Variants in CCDC171 observed in about 807,000 individuals in gnomAD.
CCDC171 encodes the protein coiled-coil domain-containing protein 171.
In CCDC171, 177 loss-of-function variants were observed where a neutral mutation model predicts 168.2. The ratio of observed to expected loss-of-function variants is 1.05; its 90% confidence interval spans 0.93 to 1.19. CCDC171 has a LOEUF of 1.19. Among genes scored for constraint, CCDC171 ranks in the 50% most tolerant of loss-of-function variants. CCDC171 has a pLI of 0.00. For missense variants in CCDC171, 1,991 were observed against 1,539.0 expected, an observed-to-expected ratio of 1.29 and a Z score of -4.91; for synonymous variants, 687 against 540.8, an observed-to-expected ratio of 1.27 and a Z score of -3.75.
rs138525451 is a variant in CCDC171 at position 15,684,948 on chromosome 9, A to T, written c.1215+6052A>T. The stretch of plus-strand genomic sequence containing the variant: ...AGTCCGTGGGTCATGTTGGGTGATG[A>T]GTAAATGTTCACCTAAACATCATCT... On this transcript the variant is annotated intron_variant, in intron 10 of 25. Coordinates refer to ENST00000380701, the MANE Select transcript of CCDC171 (RefSeq NM_173550.4). Among the ~76,000 whole-genome samples, 3 of 152,302 alleles carry T rather than the reference A, an allele frequency of 2.0e-5. No individual in the cohort carries two copies. The East Asian group carries it at 5.8e-4, about 29-fold the overall frequency.
At chr9:15,875,832 A>G (rs1817764867) in intron 24 of CCDC171, 1 of 152,076 alleles carries the variant, frequency 6.6e-6, no homozygotes, top group African/African-American at 2.4e-5. Flanking sequence ...ATATATAATT[A>G]TAAAAGTAAG....
At position 15,965,992 on chromosome 9, in the gene CCDC171, G is replaced by A. The variant is rs137979346; in HGVS notation, c.3754-5617G>A. ...AGACCATGGAGTAATAATATAAGTC[G>A]TTTGTTCATTCACTCATTCATCATT... On this transcript the variant is annotated intron_variant, in intron 25 of 25. Coordinates refer to ENST00000380701, the MANE Select transcript of CCDC171 (RefSeq NM_173550.4). 7.9e-4 allele frequency among the ~76,000 whole-genome samples: 120 copies of A among 152,190 alleles called. 1 individual carries two copies. The highest frequency in any genetic ancestry group is 2.6e-3 in the African/African-American group (110 of 41,530).
rs1302172353 is a variant in CCDC171, at chr9:15,762,171, T to TTTG, written c.2672-15428_2672-15427insTGT. Among the ~76,000 whole-genome samples, 751 of 151,534 alleles carry TTTG rather than the reference T, an allele frequency of 5.0e-3. 5 individuals carry two copies. The highest frequency in any genetic ancestry group is 0.018 in the African/African-American group (726 of 41,286). On this transcript the variant is annotated intron_variant, in intron 18 of 25. Transcript: ENST00000380701. ...AGCCTGAAGCTTTTTTTTTTTTTTT[T>TTTG]TAAGAAAGCTAAGTTGGATATCCAG...
downstream of CCDC171, among the ~76,000 whole-genome samples, chr9:15,977,249 T>TA (rs1426704206): frequency 6.6e-6 from 1 of 152,216 alleles, no homozygotes; most frequent in Non-Finnish European, 1.5e-5. Flanking sequence ...TAATCTTTTT[T>TA]AGTTATTGTT....
At position 15,724,990 on chromosome 9, in the gene CCDC171, C is replaced by T. The variant is rs1241833091; in HGVS notation, c.1692+14C>T. On this transcript the variant is annotated intron_variant, in intron 14 of 25. Transcript: ENST00000380701. Reference sequence around the variant, plus strand: ...AAGGATGCAGAGGTATTACCTGAGACTCAATGACTGTCAGGAAGGGCCTTT... The same window carrying T: ...AAGGATGCAGAGGTATTACCTGAGATTCAATGACTGTCAGGAAGGGCCTTT... 1 of 1,595,394 alleles carries T rather than the reference C, an allele frequency of 6.3e-7. No homozygotes were observed. The highest frequency in any genetic ancestry group is 1.3e-5 in the African/African-American group (1 of 74,634).
chr9:16,001,560 G>A (rs1464678256), intron 3 of CCDC171, among the ~76,000 whole-genome samples: 1 of 152,090 alleles, frequency 6.6e-6, no homozygotes, highest in Non-Finnish European at 1.5e-5. Context: ...TTCCAGTCAT[G>A]CACTGCATAA....
intron 3 of CCDC171, among the ~76,000 whole-genome samples, chr9:16,000,330 C>A (rs891760899): frequency 6.6e-6 from 1 of 152,000 alleles, no homozygotes; most frequent in Non-Finnish European, 1.5e-5. Context: ...ACTTTTTTTG[C>A]TTGCTGTTTT....
chr9:15,888,882 A>G (rs1314974916), intron 24 of CCDC171: 1 of 148,350 alleles, frequency 6.7e-6, no homozygotes, highest in Admixed American at 6.8e-5. Flanking sequence ...AAAGGGTGCT[A>G]TTCCAGATCT....
chr9:15,649,974 C>A (rs2047376340), intron 7 of CCDC171, among the ~76,000 whole-genome samples: 1 of 152,048 alleles, frequency 6.6e-6, no homozygotes, highest in South Asian at 2.1e-4. Context: ...GCACTATTCA[C>A]AATAGCAAAG....
intron 14 of CCDC171, among the ~76,000 whole-genome samples, chr9:15,727,521 A>C (rs1183672940): frequency 6.6e-6 from 1 of 152,224 alleles, no homozygotes; most frequent in Non-Finnish European, 1.5e-5. Context: ...TAGGCTTATA[A>C]ACAATGAGTC....
At chr9:15,719,416 A>G (rs1221771017) in intron 11 of CCDC171, among the ~76,000 whole-genome samples, 7 of 7,462 alleles carry the variant, frequency 9.4e-4, no homozygotes, top group Admixed American at 1.7e-3. Flanking sequence ...GGGCGGGGGA[A>G]AGAGAGAGAG....
chr9:15,720,162 T>C (rs1012678530), intron 11 of CCDC171, among the ~76,000 whole-genome samples: 5 of 152,170 alleles, frequency 3.3e-5, no homozygotes, highest in African/African-American at 9.6e-5. Flanking sequence ...GTCATAAATA[T>C]ATTAATAACA....
At chr9:15,638,479 TAAAG>T (rs1194541728) in intron 7 of CCDC171, among the ~76,000 whole-genome samples, 2 of 151,996 alleles carry the variant, frequency 1.3e-5, no homozygotes, top group Non-Finnish European at 2.9e-5. Context: ...GGGATAATAA[TAAAG>T]AAGAAGTTGT....
chr9:15,584,156 C>T (rs10962087), intron 4 of CCDC171, among the ~76,000 whole-genome samples: 3 of 152,306 alleles, frequency 2.0e-5, no homozygotes, highest in East Asian at 1.9e-4. Context: ...CGTGAGCCAC[C>T]GTGCCCGGCA....
At chr9:16,087,594 T>C in the CCDC171 span, among the ~76,000 whole-genome samples, 1 of 142,542 alleles carries the variant, frequency 7.0e-6, no homozygotes, top group Non-Finnish European at 1.5e-5. Flanking sequence ...TCCATTTGCT[T>C]GGTAAATCTT....
At chr9:15,865,813 C>G in intron 23 of CCDC171, among the ~76,000 whole-genome samples, 1 of 149,902 alleles carries the variant, frequency 6.7e-6, no homozygotes. Context: ...GTTGGCATCC[C>G]TAACCCACAT....
chr9:15,588,015 T>A (rs980897845), intron 4 of CCDC171, among the ~76,000 whole-genome samples: 2 of 152,052 alleles, frequency 1.3e-5, no homozygotes, highest in Non-Finnish European at 2.9e-5. Context: ...GGCAGGTGGA[T>A]CATGAGGTCA....
chr9:15,759,377 C>T (rs1211784879), intron 18 of CCDC171, among the ~76,000 whole-genome samples: 2 of 152,136 alleles, frequency 1.3e-5, no homozygotes, highest in African/African-American at 4.8e-5. Flanking sequence ...TTCACAGTTG[C>T]ATTCTGGTTA....
intron 7 of CCDC171, among the ~76,000 whole-genome samples, chr9:15,652,419 G>C (rs2132826289): frequency 6.6e-6 from 1 of 151,070 alleles, no homozygotes; most frequent in South Asian, 2.1e-4. Context: ...GTATCCTTTT[G>C]CTGGTACCAC....
Sources: gnomAD v4.1 joint callset for allele counts (sites outside exome capture counted in the v4.1 genomes callset) on GRCh38, gnomAD v4.1.1 for gene constraint, MANE v1.5 for transcripts, NCBI Gene and HGNC (gene_info 2026-07-23, HGNC 2026-07-21) for gene names.